The following LRRC74B variants were observed in gnomAD, a reference collection of about 807,000 sequenced individuals.
LRRC74B encodes leucine rich repeat containing 74B, also known as leucine-rich repeat-containing protein 74B.
LRRC74B carries 30 observed loss-of-function variants against 16.6 expected under a neutral mutation model. The ratio of observed to expected loss-of-function variants is 1.80; its 90% CI spans 1.35 to 2.45. The LOEUF (loss-of-function observed/expected upper bound fraction) is 2.45, where lower values mean the gene tolerates loss of function less well. Ranked by LOEUF, LRRC74B falls within the 30% of genes most tolerant of loss-of-function variation. The pLI, the probability that LRRC74B is intolerant of heterozygous loss-of-function variation, is 0.00. For missense variants in LRRC74B, 326 were observed against 202.4 expected, an observed-to-expected ratio of 1.61 and a Z score of -3.71; for synonymous variants, 134 against 86.0, an observed-to-expected ratio of 1.56 and a Z score of -3.09.
exon 7 of LRRC74B, chr22:21,055,104 C>A (rs1310965579): frequency 1.4e-6 from 1 of 717,240 alleles, no homozygotes; most frequent in Admixed American, 2.0e-5. Flanking sequence ...GCAGTAACAA[C>A]CGCATCTCTG....
At chr22:21,056,185 A>T (rs913165577) in intron 7 of LRRC74B, among the ~76,000 whole-genome samples, 2 of 152,212 alleles carry the variant, frequency 1.3e-5, no homozygotes, top group African/African-American at 4.8e-5. Flanking sequence ...TCCCCTCTGG[A>T]TAAACCCAAG....
At chr22:21,047,066 C>A (rs1369852080) in intron 1 of LRRC74B, among the ~76,000 whole-genome samples, 1 of 150,734 alleles carries the variant, frequency 6.6e-6, no homozygotes, top group Non-Finnish European at 1.5e-5. Flanking sequence ...GCATTCCAGC[C>A]TGGGTGACAG....
At chr22:21,054,299 C>G (rs952153537) in intron 6 of LRRC74B, among the ~76,000 whole-genome samples, 1 of 152,234 alleles carries the variant, frequency 6.6e-6, no homozygotes, top group Admixed American at 6.5e-5. Context: ...TAAAACGAGC[C>G]TAGTCTGGGT....
chr22:21,052,438 G>T, intron 5 of LRRC74B, 80 bp downstream of exon 5: 1 of 703,032 alleles, frequency 1.4e-6, no homozygotes, highest in East Asian at 2.7e-5. Context: ...TGTCTCTGCA[G>T]CTCCTCGGAA....
chr22:21,059,457 G>A (rs1050698936), intron 8 of LRRC74B, among the ~76,000 whole-genome samples: 1 of 152,200 alleles, frequency 6.6e-6, no homozygotes, highest in Non-Finnish European at 1.5e-5. Context: ...AGCTACTCGG[G>A]AGGCTGAGGC....
chr22:21,057,349 A>G, intron 8 of LRRC74B, 149 bp downstream of exon 8: 1 of 613,832 alleles, frequency 1.6e-6, no homozygotes, highest in Non-Finnish European at 2.9e-6. Flanking sequence ...CGGGACTTGA[A>G]TGCAGGCATG....
At chr22:21,059,268 A>T (rs1930696496) in intron 8 of LRRC74B, among the ~76,000 whole-genome samples, 1 of 152,224 alleles carries the variant, frequency 6.6e-6, no homozygotes, top group African/African-American at 2.4e-5. Context: ...TGCACTTGTA[A>T]TCCCAGCTAC....
chr22:21,053,282 C>A (rs1026878019), intron 5 of LRRC74B, 78 bp from the exon 6 acceptor site: 1 of 678,976 alleles, frequency 1.5e-6, no homozygotes, highest in Admixed American at 2.2e-5. Context: ...CTCAGGGCTC[C>A]TGGTCTCTGA....
At position 21,052,888 on chromosome 22, in the gene LRRC74B, G is replaced by A. The variant is rs997901643; in HGVS notation, c.733-472G>A. Among the ~76,000 whole-genome samples, 9 of 152,192 alleles carry A rather than the reference G, an allele frequency of 5.9e-5. 1 individual carries two copies. Among genetic ancestry groups the A allele is most frequent in the African/African-American group, 1.4e-4 (6 of 41,434 alleles). On this transcript the variant is annotated intron_variant, in intron 5 of 8. Transcript: ENST00000442047. ...GCTGCTGTCTTGCCCTGATGCAGGG[G>A]CTGACCTTGGGGTCCTGCCCCACAA... is the stretch of plus-strand genomic sequence containing the variant.
At chr22:21,053,545 ACCCGTGATGGGGATT>A (rs1192833112) in intron 6 of LRRC74B, 70 bp downstream of exon 6, 1 of 681,816 alleles carries the variant, frequency 1.5e-6, no homozygotes, top group Non-Finnish European at 2.7e-6. Flanking sequence ...CACACAGTCT[ACCCGTGATGGGGATT>A]CCCGTGATGG....
downstream of LRRC74B, chr22:21,063,187 G>C (rs1569204066): frequency 6.6e-6 from 1 of 151,684 alleles, no homozygotes; most frequent in African/African-American, 2.4e-5. Context: ...GTCTAAAAAA[G>C]AAAAAAAGGA....
At chr22:21,062,308 T>C (rs1029052131), downstream of LRRC74B, 4 of 152,196 alleles carry the variant, frequency 2.6e-5, no homozygotes, top group African/African-American at 7.2e-5. Context: ...ATGAATACGC[T>C]AAAAACCGCT....
At chr22:21,054,207 T>C (rs1930300473) in intron 6 of LRRC74B, among the ~76,000 whole-genome samples, 1 of 152,228 alleles carries the variant, frequency 6.6e-6, no homozygotes, top group Non-Finnish European at 1.5e-5. Context: ...ACACCTATCA[T>C]TCCTGGTACT....
exon 2 of LRRC74B, chr22:21,047,465 G>C (rs1259632189): frequency 1.1e-5 from 8 of 717,392 alleles, no homozygotes; most frequent in Middle Eastern, 2.3e-4. Context: ...GCGCCCAAGA[G>C]CTGAACCTCC....
intron 7 of LRRC74B, chr22:21,056,605 C>T (rs1453451837): frequency 0.014 from 1,738 of 127,870 alleles, 30 homozygotes; most frequent in African/African-American, 0.049. Context: ...AGCACACACA[C>T]ACACACACAC....
chr22:21,057,891 T>G (rs1411835771), intron 8 of LRRC74B, among the ~76,000 whole-genome samples: 1 of 150,322 alleles, frequency 6.7e-6, no homozygotes, highest in Non-Finnish European at 1.5e-5. Flanking sequence ...ATTTTGATTT[T>G]TTTTTTTTTT....
chr22:21,048,239 A>T (rs1293264446), intron 3 of LRRC74B: 2 of 534,394 alleles, frequency 3.7e-6, no homozygotes, highest in South Asian at 2.1e-5. Context: ...CCACACCATC[A>T]CTCCCCTCCC....
rs151159520 is a variant in LRRC74B, at chr22:21,049,759, T to A, written c.622+602T>A. ...GAGGGGGCTGCAGGGCTGTAGGCCG[T>A]GGCAAAAACGGTGAAGATTTTGTTT... is the stretch of plus-strand genomic sequence containing the variant. On this transcript the variant is annotated intron_variant, in intron 4 of 8. Coordinates refer to ENST00000442047, the Ensembl canonical transcript of LRRC74B. Among the ~76,000 whole-genome samples, 406 of 152,164 alleles carry A rather than the reference T, an allele frequency of 2.7e-3. 2 individuals are homozygous for A. Among genetic ancestry groups the A allele is most frequent in the African/African-American group, 8.6e-3 (358 of 41,520 alleles).
downstream of LRRC74B, among the ~76,000 whole-genome samples, chr22:21,060,815 C>A (rs1463555578): frequency 2.0e-5 from 3 of 152,160 alleles, no homozygotes; most frequent in South Asian, 6.2e-4. Flanking sequence ...CAAGTCCCTG[C>A]CCTCCCCATG....
Sources: allele counts gnomAD v4.1 joint callset (sites outside exome capture counted in the v4.1 genomes callset), GRCh38; gene constraint gnomAD v4.1.1; transcripts MANE v1.5; gene names NCBI Gene and HGNC (gene_info 2026-07-23, HGNC 2026-07-21).